PCED1B: variants seen among roughly 807,000 people sequenced by gnomAD.
PCED1B encodes PC-esterase domain-containing protein 1B.
For synonymous variants in PCED1B, 251 were observed against 246.1 expected, an observed-to-expected ratio of 1.02 and a Z score of -0.19; for missense variants, 573 against 573.9, an observed-to-expected ratio of 1.00 and a Z score of 0.02.
intron 2 of PCED1B, among the ~76,000 whole-genome samples, chr12:47,135,335 A>G (rs1406442508): frequency 1.3e-5 from 2 of 152,144 alleles, no homozygotes; most frequent in Admixed American, 1.3e-4. Flanking sequence ...CCACGAACAC[A>G]TGCACTTTAT....
intron 2 of PCED1B, among the ~76,000 whole-genome samples, chr12:47,195,912 T>C (rs1467972887): frequency 1.3e-5 from 2 of 152,244 alleles, no homozygotes; most frequent in East Asian, 3.8e-4. Context: ...ATTTGCTTTT[T>C]TCTTGAACTT....
At chr12:47,138,889 T>G (rs547529435) in intron 2 of PCED1B, among the ~76,000 whole-genome samples, 7 of 152,326 alleles carry the variant, frequency 4.6e-5, no homozygotes, top group Non-Finnish European at 7.4e-5. Flanking sequence ...TCCAATAGAC[T>G]GTATGTCCTT....
chr12:47,234,806 C>T (rs1448780031), intron 3 of PCED1B, among the ~76,000 whole-genome samples: 1 of 152,202 alleles, frequency 6.6e-6, no homozygotes, highest in Admixed American at 6.5e-5. Flanking sequence ...CTAGACAAGG[C>T]TTTTGGCTCC....
At chr12:47,083,101 T>C (rs1937820838) in intron 1 of PCED1B, among the ~76,000 whole-genome samples, 1 of 151,518 alleles carries the variant, frequency 6.6e-6, no homozygotes, top group Non-Finnish European at 1.5e-5. Context: ...ACAGGAGTTC[T>C]AGCCCTGTAA....
intron 3 of PCED1B, among the ~76,000 whole-genome samples, chr12:47,229,874 A>G (rs531193314): frequency 2.1e-5 from 3 of 141,278 alleles, no homozygotes; most frequent in East Asian, 2.1e-4. Context: ...GGTTCCTGCC[A>G]TTCTCCTGCC....
At chr12:47,226,169 A>T (rs532675286) in intron 3 of PCED1B, among the ~76,000 whole-genome samples, 1 of 152,230 alleles carries the variant, frequency 6.6e-6, no homozygotes, top group East Asian at 1.9e-4. Flanking sequence ...AACTACTTAT[A>T]ACTATGATTT....
intron 2 of PCED1B, among the ~76,000 whole-genome samples, chr12:47,211,905 C>T (rs1365645015): frequency 6.6e-6 from 1 of 151,232 alleles, no homozygotes; most frequent in Non-Finnish European, 1.5e-5. Flanking sequence ...GAAACCCCGT[C>T]TCTACTAAAA....
At chr12:47,143,147 G>A (rs1437535223) in intron 2 of PCED1B, among the ~76,000 whole-genome samples, 1 of 151,962 alleles carries the variant, frequency 6.6e-6, no homozygotes, top group Non-Finnish European at 1.5e-5. Flanking sequence ...TCTAAGATCA[G>A]GAACAAGGCA....
At position 47,235,089 on chromosome 12, in the gene PCED1B, T is replaced by G; in HGVS notation, c.26T>G (p.Val9Gly). 6.5e-7 allele frequency: 1 copy of G among 1,528,946 alleles called. No individual in the cohort carries two copies. Among genetic ancestry groups the G allele is most frequent in the Non-Finnish European group, 8.8e-7 (1 of 1,139,708 alleles). 94.7% of individuals were successfully genotyped at this position (1,528,946 alleles called of 1,614,324 possible). Residue 9 changes from valine (V) to glycine (G), a missense_variant, in exon 4 of 4, where the codon GTG (valine) becomes GGG (glycine). Coordinates refer to ENST00000546455, the MANE Select transcript of PCED1B (RefSeq NM_138371.3). MILLRASE[V>G]RQLLHNKFVV... ...ATGATCCTTCTGCGGGCCTCCGAAG[T>G]GCGGCAGCTGCTTCACAATAAGTTC...
intron 2 of PCED1B, among the ~76,000 whole-genome samples, chr12:47,152,296 T>A (rs1941022775): frequency 6.6e-6 from 1 of 152,134 alleles, no homozygotes; most frequent in South Asian, 2.1e-4. Flanking sequence ...AAGTCAATAT[T>A]ACCATTTGTA....
chr12:47,214,693 A>G (rs1371480887), intron 2 of PCED1B, among the ~76,000 whole-genome samples: 1 of 152,132 alleles, frequency 6.6e-6, no homozygotes, highest in Non-Finnish European at 1.5e-5. Flanking sequence ...TTATATGCAC[A>G]CACACTGGAA....
At chr12:47,214,714 A>G (rs537762826) in intron 2 of PCED1B, among the ~76,000 whole-genome samples, 1 of 152,302 alleles carries the variant, frequency 6.6e-6, no homozygotes, top group Non-Finnish European at 1.5e-5. Context: ...TCCCCCAGGT[A>G]ATAAAAGTTG....
At chr12:47,118,498 T>G (rs1939531058) in intron 2 of PCED1B, among the ~76,000 whole-genome samples, 2 of 152,206 alleles carry the variant, frequency 1.3e-5, no homozygotes, top group Non-Finnish European at 2.9e-5. Context: ...ATCAGATGGT[T>G]GTAGATGTGT....
chr12:47,213,615 G>C lies in PCED1B; in HGVS notation c.-525-2607G>C, dbSNP rs578131550. Reference sequence around the variant, plus strand: ...TAAAGCAAAGTTTAAATTTCTCTGTGGCTATAACTACTAATGAGCTGCTAA... The same window carrying C: ...TAAAGCAAAGTTTAAATTTCTCTGTCGCTATAACTACTAATGAGCTGCTAA... On this transcript the variant is annotated intron_variant, in intron 2 of 3. Coordinates refer to ENST00000546455, the MANE Select transcript of PCED1B (RefSeq NM_138371.3). Among the ~76,000 whole-genome samples the C allele has an allele frequency of 2.2e-3, 337 of 152,288 alleles. 1 individual carries two copies. The highest frequency in any genetic ancestry group is 3.9e-3 in the South Asian group (19 of 4,830).
At chr12:47,206,286 C>G (rs908397163) in intron 2 of PCED1B, 1 of 152,194 alleles carries the variant, frequency 6.6e-6, no homozygotes, top group Non-Finnish European at 1.5e-5. Flanking sequence ...AGTCCCCAGA[C>G]AAGAAGGAGG....
intron 2 of PCED1B, among the ~76,000 whole-genome samples, chr12:47,117,781 C>T (rs1007729266): frequency 1.7e-4 from 26 of 152,334 alleles, no homozygotes; most frequent in African/African-American, 5.3e-4. Flanking sequence ...ACACTGTCTT[C>T]CACAATGATT....
At chr12:47,150,778 G>A (rs954621983) in intron 2 of PCED1B, among the ~76,000 whole-genome samples, 47 of 152,008 alleles carry the variant, frequency 3.1e-4, no homozygotes, top group African/African-American at 1.1e-3. Flanking sequence ...AGTGTGAACT[G>A]ACTGGGGTCC....
At chr12:47,194,349 AT>A (rs1942536793) in intron 2 of PCED1B, among the ~76,000 whole-genome samples, 1 of 151,904 alleles carries the variant, frequency 6.6e-6, no homozygotes, top group South Asian at 2.1e-4. Flanking sequence ...TAATTTTTGT[AT>A]TTTTAATAGA....
intron 2 of PCED1B, among the ~76,000 whole-genome samples, chr12:47,170,321 G>A (rs566173064): frequency 6.6e-6 from 1 of 152,302 alleles, no homozygotes; most frequent in Admixed American, 6.5e-5. Context: ...GTAACAATCT[G>A]ATCTCTCTTT....
Sources: gnomAD v4.1 joint callset for allele counts (sites outside exome capture counted in the v4.1 genomes callset) on GRCh38, gnomAD v4.1.1 for gene constraint, MANE v1.5 for transcripts, NCBI Gene and HGNC (gene_info 2026-07-23, HGNC 2026-07-21) for gene names.